The following CLYBL variants were observed in gnomAD, a reference collection of about 807,000 sequenced individuals.
CLYBL encodes the protein citramalyl-CoA lyase, also known as citramalyl-CoA lyase, mitochondrial.
Under a neutral mutation model 38.9 loss-of-function variants are expected in CLYBL, and 31 were observed. That is an observed-to-expected ratio of 0.80 (90% CI 0.60 to 1.08). The LOEUF is 1.08. Among genes scored for constraint, CLYBL ranks in the 50% least tolerant of loss-of-function variants. The probability of loss-of-function intolerance (pLI) is 0.00; values close to 1 mark genes in which losing one functional copy is unlikely to be tolerated. For synonymous variants in CLYBL, 171 were observed against 158.6 expected (o/e 1.08, Z -0.59); for missense variants, 434 against 411.6 (o/e 1.05, Z -0.47).
intron 7 of CLYBL, among the ~76,000 whole-genome samples, chr13:99,881,646 C>T (rs1198215566): frequency 1.3e-5 from 2 of 149,408 alleles, no homozygotes; most frequent in South Asian, 2.1e-4. Flanking sequence ...AAGCTGGTCT[C>T]GAACTCCTGG....
intron 2 of CLYBL, among the ~76,000 whole-genome samples, chr13:99,823,414 G>A (rs1363984548): frequency 5.3e-5 from 8 of 152,142 alleles, no homozygotes; most frequent in African/African-American, 1.9e-4. Flanking sequence ...CATTATTACA[G>A]GATCACACAA....
chr13:99,702,654 A>G (rs942132248), intron 1 of CLYBL, among the ~76,000 whole-genome samples: 1 of 150,726 alleles, frequency 6.6e-6, no homozygotes, highest in Non-Finnish European at 1.5e-5. Context: ...AAAAAAACCT[A>G]TTTAAAAATG....
intron 1 of CLYBL, among the ~76,000 whole-genome samples, chr13:99,770,307 C>T (rs2049359176): frequency 6.6e-6 from 1 of 150,616 alleles, no homozygotes; most frequent in Non-Finnish European, 1.5e-5. Flanking sequence ...AGGCTGGTCT[C>T]GAACTCTTTT....
chr13:99,669,655 T>G (rs933366150), intron 1 of CLYBL, among the ~76,000 whole-genome samples: 7 of 152,192 alleles, frequency 4.6e-5, no homozygotes, highest in African/African-American at 1.7e-4. Context: ...TACATTTTCT[T>G]TTTCATTTCC....
intron 1 of CLYBL, among the ~76,000 whole-genome samples, chr13:99,675,162 C>T (rs1024823531): frequency 2.0e-5 from 3 of 152,168 alleles, no homozygotes; most frequent in Non-Finnish European, 4.4e-5. Flanking sequence ...TATTCCTCCT[C>T]TTCAGGGGCA....
rs1383405371 is a variant in CLYBL, at chr13:99,772,967, G to C, written c.206G>C (p.Cys69Ser). 2 of 1,613,368 alleles carry C rather than the reference G, an allele frequency of 1.2e-6. No individual in the cohort carries two copies. The highest frequency in any genetic ancestry group is 1.7e-6 in the Non-Finnish European group (2 of 1,179,928). Residue 69 changes from cysteine (C) to serine (S), a missense_variant, in exon 2 of 9, where the codon TGT becomes TCT. Physicochemically the swap from Cys to Ser is moderately radical, Grantham distance 112. Transcript: ENST00000339105. Reference sequence around the variant, plus strand: ...AAGATTCCATCCCTGAATGTAGATTGTGCAGTGCTCGACTGTGAGGATGGA... The same window carrying C: ...AAGATTCCATCCCTGAATGTAGATTCTGCAGTGCTCGACTGTGAGGATGGA... ...IKKIPSLNVD[C>S]AVLDCEDGVA... is the part of the protein sequence containing the mutation.
At chr13:99,616,349 G>A (rs572452232) in intron 1 of CLYBL, among the ~76,000 whole-genome samples, 5 of 152,180 alleles carry the variant, frequency 3.3e-5, no homozygotes, top group East Asian at 1.9e-4. Context: ...TACATTTAAC[G>A]ATGTTAATCT....
At chr13:99,891,465 T>C in intron 8 of CLYBL, 28 bp downstream of exon 8, 1 of 1,333,358 alleles carries the variant, frequency 7.5e-7, no homozygotes, top group Non-Finnish European at 1.1e-6. Context: ...AGTGGGGTTC[T>C]TAAAGACAAA....
At chr13:99,739,958 C>T (rs950031796) in intron 1 of CLYBL, among the ~76,000 whole-genome samples, 20 of 151,362 alleles carry the variant, frequency 1.3e-4, no homozygotes, top group African/African-American at 4.6e-4. Context: ...GCAAGAAAAG[C>T]GAAACTCCAT....
Position 99,637,629 on chromosome 13 carries a change from G to A in CLYBL, c.62+30872G>A, listed in dbSNP as rs570116713. ...TAAAAAAGGCCAGGTGCTGTGGCAC[G>A]CACCTGTAATCCCAGCTACTTGGGA... is the stretch of plus-strand genomic sequence containing the variant. On this transcript the variant is annotated intron_variant, in intron 1 of 8. Transcript: ENST00000339105. 3.3e-5 allele frequency among the ~76,000 whole-genome samples: 5 copies of A among 152,236 alleles called. No homozygotes were observed. In the South Asian group the frequency reaches 8.3e-4, roughly 25 times the overall value.
At chr13:99,808,809 A>G (rs956655438) in intron 2 of CLYBL, among the ~76,000 whole-genome samples, 1 of 152,262 alleles carries the variant, frequency 6.6e-6, no homozygotes, top group Non-Finnish European at 1.5e-5. Flanking sequence ...AAAGTAACCC[A>G]CATGATCTTT....
At chr13:99,693,404 CT>C (rs1473749049) in intron 1 of CLYBL, among the ~76,000 whole-genome samples, 1 of 152,074 alleles carries the variant, frequency 6.6e-6, no homozygotes, top group African/African-American at 2.4e-5. Flanking sequence ...CTCTTTCTCT[CT>C]TCCCTGTAGC....
At chr13:99,899,849 G>C (rs1023479284), downstream of CLYBL, among the ~76,000 whole-genome samples, 1 of 152,188 alleles carries the variant, frequency 6.6e-6, no homozygotes, top group Non-Finnish European at 1.5e-5. Flanking sequence ...AGTAGAGTTT[G>C]GGAATCCCAC....
intron 2 of CLYBL, among the ~76,000 whole-genome samples, chr13:99,776,185 AAATAAT>A (rs776856192): frequency 9.8e-5 from 14 of 143,230 alleles, no homozygotes; most frequent in Non-Finnish European, 1.4e-4. Context: ...ACCAAAAAAC[AAATAAT>A]AATAATAATA....
intron 3 of CLYBL, among the ~76,000 whole-genome samples, chr13:99,862,427 C>T (rs1048180056): frequency 2.6e-5 from 4 of 152,104 alleles, no homozygotes; most frequent in Non-Finnish European, 4.4e-5. Flanking sequence ...AAAAAATTGG[C>T]GAGCTTTGGT....
intron 9 of CLYBL, among the ~76,000 whole-genome samples, chr13:99,907,847 C>T (rs2052712258): frequency 1.3e-5 from 2 of 152,068 alleles, no homozygotes; most frequent in Admixed American, 1.3e-4. Flanking sequence ...TTAAAAAGAC[C>T]CTGAATAGAG....
At chr13:99,883,016 C>T (rs1392882052) in intron 7 of CLYBL, among the ~76,000 whole-genome samples, 2 of 152,042 alleles carry the variant, frequency 1.3e-5, no homozygotes, top group East Asian at 3.9e-4. Context: ...TCGTTGGATC[C>T]TCGGACCACC....
chr13:99,792,073 A>AT (rs377506881), intron 2 of CLYBL, among the ~76,000 whole-genome samples: 79 of 152,068 alleles, frequency 5.2e-4, no homozygotes, highest in African/African-American at 1.8e-3. Context: ...GATGTTACTT[A>AT]TTTTTTTTCC....
intron 1 of CLYBL, among the ~76,000 whole-genome samples, chr13:99,684,035 ATTTTT>A (rs778902077): frequency 3.5e-5 from 3 of 86,380 alleles, no homozygotes; most frequent in East Asian, 3.4e-4. Context: ...TGCCTGGCTA[ATTTTT>A]TTTTTTTTTT....
Sources: gnomAD v4.1 joint callset for allele counts (sites outside exome capture counted in the v4.1 genomes callset) on GRCh38, gnomAD v4.1.1 for gene constraint, MANE v1.5 for transcripts, NCBI Gene and HGNC (gene_info 2026-07-23, HGNC 2026-07-21) for gene names.